Variants in ANK3 observed in about 807,000 individuals in gnomAD.
ANK3 encodes the protein ankyrin-3.
A neutral mutation model predicts 370.9 loss-of-function variants in ANK3; 57 were observed. The ratio of observed to expected loss-of-function variants is 0.15; its 90% CI spans 0.12 to 0.19. The LOEUF (loss-of-function observed/expected upper bound fraction) is 0.19, where lower values mean the gene tolerates loss of function less well. Among genes scored for constraint, ANK3 ranks in the 10% least tolerant of loss-of-function variants. ANK3 has a pLI of 1.00. For synonymous variants in ANK3, 1,929 were observed against 1,946.3 expected, an observed-to-expected ratio of 0.99 and a Z score of 0.23; for missense variants, 4,439 against 5,302.1, an observed-to-expected ratio of 0.84 and a Z score of 5.06.
intron 2 of ANK3, among the ~76,000 whole-genome samples, chr10:60,570,913 C>T (rs2133265830): frequency 6.6e-6 from 1 of 152,270 alleles, no homozygotes; most frequent in East Asian, 1.9e-4. Context: ...ACGAATCCAG[C>T]CACTGCTCAC....
At chr10:60,572,940 G>A in intron 2 of ANK3, 8 of 995,574 alleles carry the variant, frequency 8.0e-6, no homozygotes, top group Non-Finnish European at 9.6e-6. Flanking sequence ...CACACACACA[G>A]AAATAAGCTA....
chr10:60,349,512 T>G (rs2056434444), intron 1 of ANK3, among the ~76,000 whole-genome samples: 1 of 151,814 alleles, frequency 6.6e-6, no homozygotes, highest in Admixed American at 6.6e-5. Flanking sequence ...ACCACATTTT[T>G]TTTTAAACAT....
chr10:60,037,203 A>G (rs1406385077), intron 43 of ANK3, among the ~76,000 whole-genome samples: 6 of 152,052 alleles, frequency 3.9e-5, no homozygotes, highest in African/African-American at 1.2e-4. Context: ...GGTTACCTTC[A>G]TTTTATTCTT....
chr10:60,606,352 G>T (rs2078128133), intron 2 of ANK3, among the ~76,000 whole-genome samples: 1 of 151,974 alleles, frequency 6.6e-6, no homozygotes, highest in Admixed American at 6.6e-5. Context: ...GGTCTCATGA[G>T]ATTTTTTTTT....
intron 2 of ANK3, among the ~76,000 whole-genome samples, chr10:60,413,100 G>T (rs890625055): frequency 3.3e-5 from 5 of 152,196 alleles, no homozygotes; most frequent in African/African-American, 1.2e-4. Flanking sequence ...ACCTTTCTAT[G>T]ACACTAATAT....
chr10:60,243,241 T>C (rs2097499567), intron 7 of ANK3, among the ~76,000 whole-genome samples: 1 of 152,216 alleles, frequency 6.6e-6, no homozygotes, highest in Non-Finnish European at 1.5e-5. Flanking sequence ...ACTCATATCA[T>C]AGTTGCTATG....
chr10:60,603,918 T>C (rs1283229269), intron 2 of ANK3, among the ~76,000 whole-genome samples: 3 of 152,146 alleles, frequency 2.0e-5, no homozygotes, highest in South Asian at 4.1e-4. Context: ...CCATGTATAA[T>C]TGAAAATAGA....
At chr10:60,558,510 A>G (rs1184780952) in intron 2 of ANK3, among the ~76,000 whole-genome samples, 3 of 152,166 alleles carry the variant, frequency 2.0e-5, no homozygotes, top group African/African-American at 7.2e-5. Context: ...ACTAACCAAG[A>G]CTTTGAACCG....
chr10:60,385,572 T>C (rs187164764), intron 1 of ANK3, among the ~76,000 whole-genome samples: 8 of 152,280 alleles, frequency 5.3e-5, no homozygotes, highest in Non-Finnish European at 8.8e-5. Flanking sequence ...AATGAATACA[T>C]GAATACAAGA....
At chr10:60,104,910 GAAGA>G (rs1243211742) in intron 28 of ANK3, among the ~76,000 whole-genome samples, 1 of 152,150 alleles carries the variant, frequency 6.6e-6, no homozygotes, top group Non-Finnish European at 1.5e-5. Flanking sequence ...CCATTTTGCA[GAAGA>G]AAGACAGGCT....
chr10:60,366,933 G>T (rs2059463901), intron 1 of ANK3, among the ~76,000 whole-genome samples: 1 of 152,070 alleles, frequency 6.6e-6, no homozygotes. Context: ...GAAAAAACGT[G>T]CTCTATTATC....
chr10:60,467,274 C>T (rs188029735), intron 2 of ANK3, among the ~76,000 whole-genome samples: 16 of 152,302 alleles, frequency 1.1e-4, no homozygotes, highest in Non-Finnish European at 1.8e-4. Flanking sequence ...CAAACTCAAA[C>T]ATTTTCACGT....
intron 26 of ANK3, 32 bp downstream of exon 26, chr10:60,114,192 AG>A: frequency 8.1e-7 from 1 of 1,231,164 alleles, no homozygotes; most frequent in Non-Finnish European, 1.2e-6. Flanking sequence ...TTCATGTAGT[AG>A]GATAATGAAA....
At chr10:60,192,045 C>T (rs374256559) in intron 16 of ANK3, among the ~76,000 whole-genome samples, 1 of 151,930 alleles carries the variant, frequency 6.6e-6, no homozygotes, top group Admixed American at 6.6e-5. Context: ...AGTAGCTGGC[C>T]ACCATGCCCA....
intron 1 of ANK3, among the ~76,000 whole-genome samples, chr10:60,293,138 A>G (rs1427601468): frequency 1.3e-5 from 2 of 152,226 alleles, no homozygotes; most frequent in African/African-American, 4.8e-5. Context: ...CTGCGAGCCA[A>G]GCTGCCTAGG....
At chr10:60,643,277 C>G (rs954464323) in intron 1 of ANK3, among the ~76,000 whole-genome samples, 1 of 152,142 alleles carries the variant, frequency 6.6e-6, no homozygotes, top group Admixed American at 6.6e-5. Flanking sequence ...ATCTAATCAG[C>G]TGCCAGCACA....
At chr10:60,253,124 G>A (rs1318809351) in intron 7 of ANK3, among the ~76,000 whole-genome samples, 2 of 152,190 alleles carry the variant, frequency 1.3e-5, no homozygotes, top group Admixed American at 1.3e-4. Context: ...TGACAGTGCG[G>A]TTTACTTTGC....
intron 1 of ANK3, among the ~76,000 whole-genome samples, chr10:60,332,020 A>T (rs2051467689): frequency 6.6e-6 from 1 of 152,056 alleles, no homozygotes; most frequent in Non-Finnish European, 1.5e-5. Context: ...ACAACTCATA[A>T]CATCAGGAAA....
At chr10:60,361,174 C>T (rs1176008096) in intron 1 of ANK3, among the ~76,000 whole-genome samples, 2 of 152,152 alleles carry the variant, frequency 1.3e-5, no homozygotes, top group Admixed American at 6.5e-5. Flanking sequence ...TTTTCTTTCT[C>T]GACTAAGGAA....
Sources: allele counts gnomAD v4.1 joint callset (sites outside exome capture counted in the v4.1 genomes callset), GRCh38; gene constraint gnomAD v4.1.1; transcripts MANE v1.5; gene names NCBI Gene and HGNC (gene_info 2026-07-23, HGNC 2026-07-21).